RNF128: variants seen among roughly 807,000 people sequenced by gnomAD.
RNF128 encodes E3 ubiquitin-protein ligase RNF128.
A neutral mutation model predicts 26.2 loss-of-function variants in RNF128; 13 were observed. The ratio of observed to expected loss-of-function variants is 0.50; its 90% CI spans 0.32 to 0.79. The LOEUF is 0.79. RNF128 is among the 30% of genes least tolerant of loss of function. The pLI, the probability that RNF128 is intolerant of heterozygous loss-of-function variation, is 0.03. For missense variants in RNF128, 315 were observed against 349.7 expected, an observed-to-expected ratio of 0.90 and a Z score of 0.79; for synonymous variants, 149 against 142.5, an observed-to-expected ratio of 1.05 and a Z score of -0.32.
intron 1 of RNF128, among the ~76,000 whole-genome samples, chrX:106,754,086 T>G (rs1352879019): frequency 1.8e-5 from 2 of 112,340 alleles, no homozygotes; most frequent in African/African-American, 6.5e-5. Context: ...TAATGTGCAG[T>G]AGAGAACAAA....
intron 1 of RNF128, among the ~76,000 whole-genome samples, chrX:106,720,429 G>T (rs1929290135): frequency 9.0e-6 from 1 of 111,009 alleles, no homozygotes; most frequent in Admixed American, 9.7e-5. Context: ...GCCCAGGCTG[G>T]TCTCAAACTC....
At chrX:106,783,119 T>C (rs1008257207) in intron 2 of RNF128, among the ~76,000 whole-genome samples, 6 of 111,835 alleles carry the variant, frequency 5.4e-5, no homozygotes, top group Middle Eastern at 4.6e-3. Context: ...GTTAGACTTA[T>C]TTGCTGGTCA....
chrX:106,780,305 A>T (rs973217595), intron 2 of RNF128, among the ~76,000 whole-genome samples: 1 of 112,354 alleles, frequency 8.9e-6, no homozygotes, highest in African/African-American at 3.2e-5. Flanking sequence ...TGAACATTGT[A>T]ATAAAGAATG....
intron 1 of RNF128, among the ~76,000 whole-genome samples, chrX:106,765,816 A>G (rs1223704559): frequency 1.8e-5 from 2 of 110,652 alleles, no homozygotes; most frequent in African/African-American, 3.3e-5. Flanking sequence ...TGCTGCACCC[A>G]TTAACTAACT....
chrX:106,788,343 A>C (rs1241863134), intron 4 of RNF128, among the ~76,000 whole-genome samples: 2 of 52,466 alleles, frequency 3.8e-5, no homozygotes, highest in Admixed American at 3.4e-4. Context: ...ACTATATATA[A>C]TATATATTAT....
At chrX:106,777,311 C>T (rs1930483489) in intron 2 of RNF128, among the ~76,000 whole-genome samples, 1 of 111,476 alleles carries the variant, frequency 9.0e-6, no homozygotes, top group Non-Finnish European at 1.9e-5. Flanking sequence ...GTTCAAGTGG[C>T]CATAGATCAA....
chrX:106,745,313 C>T (rs1208552047), intron 1 of RNF128, among the ~76,000 whole-genome samples: 4 of 111,215 alleles, frequency 3.6e-5, no homozygotes, highest in African/African-American at 1.3e-4. Flanking sequence ...GGTCACATTC[C>T]CTGCGATACA....
At chrX:106,794,150 TTTA>T (rs1188105054) in intron 6 of RNF128, among the ~76,000 whole-genome samples, 7 of 111,208 alleles carry the variant, frequency 6.3e-5, no homozygotes, top group African/African-American at 2.3e-4. Flanking sequence ...CCTCCATTTA[TTTA>T]TTGAGTTATT....
chrX:106,747,327 T>C lies in RNF128; in HGVS notation c.484+19930T>C, dbSNP rs1929808100. 2.7e-5 allele frequency among the ~76,000 whole-genome samples: 3 copies of C among 112,162 alleles called. No homozygotes were observed. In the South Asian group the frequency reaches 1.1e-3, roughly 41 times the overall value. The stretch of plus-strand genomic sequence containing the variant: ...GCTGTTCTGTGATTGGGGTTTAGAC[T>C]ATCTGTTGTCCAATTATCAGTTTTT... On this transcript the variant is annotated intron_variant, in intron 1 of 6. Coordinates refer to ENST00000255499, the MANE Select transcript of RNF128 (RefSeq NM_194463.2).
At chrX:106,736,016 A>G (rs1031950113) in intron 1 of RNF128, among the ~76,000 whole-genome samples, 5 of 109,799 alleles carry the variant, frequency 4.6e-5, no homozygotes, top group Admixed American at 2.0e-4. Flanking sequence ...TTCAGTATCC[A>G]TTCTACTCAA....
chrX:106,738,546 T>C (rs773509109), intron 1 of RNF128, among the ~76,000 whole-genome samples: 46 of 111,959 alleles, frequency 4.1e-4, no homozygotes, highest in African/African-American at 1.5e-3. Flanking sequence ...GACTATATTA[T>C]CTTCCTTCTC....
At chrX:106,707,439 C>T (rs1030208170) in intron 1 of RNF128, among the ~76,000 whole-genome samples, 1 of 111,921 alleles carries the variant, frequency 8.9e-6, no homozygotes, top group African/African-American at 3.2e-5. Flanking sequence ...TTTATATCAT[C>T]CAGTCAATTA....
intron 6 of RNF128, among the ~76,000 whole-genome samples, chrX:106,794,143 C>T (rs1326241533): frequency 9.0e-6 from 1 of 110,832 alleles, no homozygotes; most frequent in East Asian, 2.8e-4. Flanking sequence ...TCCTTCTCCT[C>T]CATTTATTTA....
At chrX:106,772,049 A>G (rs1379874617) in intron 1 of RNF128, among the ~76,000 whole-genome samples, 1 of 112,270 alleles carries the variant, frequency 8.9e-6, no homozygotes, top group Non-Finnish European at 1.9e-5. Flanking sequence ...GTCTCAGGTC[A>G]TATAAACTAG....
chrX:106,785,745 C>T (rs1371388064), intron 3 of RNF128, among the ~76,000 whole-genome samples: 1 of 112,301 alleles, frequency 8.9e-6, no homozygotes, highest in African/African-American at 3.2e-5. Flanking sequence ...TAATACAATG[C>T]TTTAGTGTTA....
At chrX:106,725,664 G>A (rs1212083253), upstream of RNF128, among the ~76,000 whole-genome samples, 1 of 112,278 alleles carries the variant, frequency 8.9e-6, no homozygotes, top group Non-Finnish European at 1.9e-5. Flanking sequence ...TGTTCTAAGT[G>A]CTTTATTACA....
upstream of RNF128, among the ~76,000 whole-genome samples, chrX:106,724,914 C>T (rs1178214162): frequency 2.7e-5 from 3 of 112,233 alleles, no homozygotes; most frequent in East Asian, 8.3e-4. Context: ...CAATGCTCAG[C>T]CCATGGCTTA....
chrX:106,760,022 G>A (rs1441667832), intron 1 of RNF128, among the ~76,000 whole-genome samples: 1 of 111,494 alleles, frequency 9.0e-6, no homozygotes, highest in African/African-American at 3.3e-5. Flanking sequence ...CAGATTGTAT[G>A]TCTGTATCAA....
Position 106,736,927 on chromosome X carries a change from C to CT in RNF128, c.484+9531dup, listed in dbSNP as rs752490402. Reference sequence around the variant, plus strand: ...TACAAATGAACTTTTAAAACATAACCTACTAGTGTTTCTATTGTGGCTGTT... The same window carrying CT: ...TACAAATGAACTTTTAAAACATAACCTTACTAGTGTTTCTATTGTGGCTGTT... On this transcript the variant is annotated intron_variant, in intron 1 of 6. Transcript: ENST00000255499. Among the ~76,000 whole-genome samples the CT allele has an allele frequency of 3.7e-3, 415 of 111,501 alleles. 1 individual carries two copies. The highest frequency in any genetic ancestry group is 5.1e-3 in the Non-Finnish European group (269 of 53,044).
Sources: gnomAD v4.1 joint callset for allele counts (sites outside exome capture counted in the v4.1 genomes callset) on GRCh38, gnomAD v4.1.1 for gene constraint, MANE v1.5 for transcripts, NCBI Gene and HGNC (gene_info 2026-07-23, HGNC 2026-07-21) for gene names.